Variants in CLCN1 observed in about 807,000 individuals in gnomAD.
The protein encoded by CLCN1 is chloride voltage-gated channel 1, also known as chloride channel protein 1.
In CLCN1, 100 loss-of-function variants were observed where a neutral mutation model predicts 114.5. That is an observed-to-expected ratio of 0.87 (90% confidence interval 0.74 to 1.03). The LOEUF (loss-of-function observed/expected upper bound fraction) is 1.03, where lower values mean the gene tolerates loss of function less well. Ranked by LOEUF, CLCN1 falls within the 50% of genes least tolerant of loss-of-function variation. The pLI, the probability that CLCN1 is intolerant of heterozygous loss-of-function variation, is 0.00. For missense variants in CLCN1, 1,188 were observed against 1,250.0 expected, an observed-to-expected ratio of 0.95 and a Z score of 0.75; for synonymous variants, 485 against 487.1, an observed-to-expected ratio of 1.00 and a Z score of 0.06.
intron 6 of CLCN1, chr7:143,323,714 G>T (rs1802509587): frequency 1.9e-6 from 1 of 518,740 alleles, no homozygotes; most frequent in African/African-American, 1.9e-5. Flanking sequence ...TCCCTCGTGT[G>T]CTCCCCCATC....
At chr7:143,329,062 G>A (rs1171839593) in intron 7 of CLCN1, among the ~76,000 whole-genome samples, 2 of 151,598 alleles carry the variant, frequency 1.3e-5, no homozygotes, top group Non-Finnish European at 2.9e-5. Context: ...GCGTCTCCCG[G>A]GTTCAAGCAA....
At chr7:143,319,419 T>C (rs1586482560) in intron 1 of CLCN1, among the ~76,000 whole-genome samples, 2 of 152,332 alleles carry the variant, frequency 1.3e-5, no homozygotes, top group East Asian at 3.9e-4. Context: ...AAACACCTGA[T>C]TGATATGGCC....
intron 14 of CLCN1, among the ~76,000 whole-genome samples, chr7:143,340,326 G>A (rs922915079): frequency 1.3e-5 from 2 of 152,116 alleles, no homozygotes; most frequent in Non-Finnish European, 2.9e-5. Context: ...ATAGACTCTT[G>A]TTCTCCATCT....
At chr7:143,316,482 G>A in intron 1 of CLCN1, 90 bp downstream of exon 1, 2 of 1,198,558 alleles carry the variant, frequency 1.7e-6, no homozygotes, top group South Asian at 1.3e-5. Flanking sequence ...GGTGAAAAGA[G>A]GGAGCAGTGT....
At position 143,342,378 on chromosome 7, in the gene CLCN1, T is replaced by C. The variant is rs1332885467; in HGVS notation, c.1803T>C (p.Tyr601=). 1.9e-6 allele frequency: 3 copies of C among 1,614,208 alleles called. No individual in the cohort carries two copies. The highest frequency in any genetic ancestry group is 2.2e-5 in the South Asian group (2 of 91,072). The change falls in exon 16 of 23, where the codon TAT becomes TAC. Residue 601 remains tyrosine (Y), a synonymous_variant. Coordinates refer to ENST00000343257, the MANE Select transcript of CLCN1 (RefSeq NM_000083.3). ...ATGCTTTCTCCCTCCATAGCAAATATACCATCTTTGTTGAGGACATCATGG... is the reference window on the plus strand; with the variant it reads ...ATGCTTTCTCCCTCCATAGCAAATACACCATCTTTGTTGAGGACATCATGG... ...PDLGWNQLSK[Y]TIFVEDIMVR...
chr7:143,341,455 A>G (rs1461309302), intron 14 of CLCN1, among the ~76,000 whole-genome samples: 7 of 152,108 alleles, frequency 4.6e-5, no homozygotes, highest in Admixed American at 4.6e-4. Flanking sequence ...GCTACTCGGA[A>G]GACTGAGGCA....
intron 5 of CLCN1, among the ~76,000 whole-genome samples, 158 bp downstream of exon 5, chr7:143,322,006 T>G (rs1362111714): frequency 6.6e-6 from 1 of 152,210 alleles, no homozygotes; most frequent in African/African-American, 2.4e-5. Context: ...TGGAAGTTCC[T>G]CCAACTGAGG....
chr7:143,346,095 G>C (rs146406176), intron 17 of CLCN1, 45 bp from the exon 18 acceptor site: 2 of 1,256,144 alleles, frequency 1.6e-6, no homozygotes, highest in African/African-American at 2.9e-5. Context: ...TGAAGGCCCA[G>C]GCAGTCTCTG....
chr7:143,342,184 G>C (rs1333406775), intron 15 of CLCN1, 42 bp downstream of exon 15: 1 of 1,586,222 alleles, frequency 6.3e-7, no homozygotes, highest in Non-Finnish European at 8.7e-7. Flanking sequence ...CTGATGGGGA[G>C]AGTGGGAGGT....
intron 6 of CLCN1, chr7:143,323,892 TCG>T: frequency 4.2e-6 from 2 of 470,684 alleles, no homozygotes; most frequent in South Asian, 3.1e-5. Context: ...GCAGCCCCTG[TCG>T]GAGGCAAGTT....
chr7:143,328,988 GAT>G (rs1802650413), intron 7 of CLCN1, among the ~76,000 whole-genome samples: 2 of 125,630 alleles, frequency 1.6e-5, no homozygotes, highest in African/African-American at 5.8e-5. Context: ...TTTTTTTCAA[GAT>G]GGAGTCTTGC....
intron 6 of CLCN1, 116 bp downstream of exon 6, chr7:143,323,502 A>G (rs1042538018): frequency 1.9e-5 from 15 of 786,256 alleles, no homozygotes; most frequent in African/African-American, 5.1e-5. Context: ...CTGAAGCAGC[A>G]TCGCACTAAT....
intron 6 of CLCN1, 66 bp downstream of exon 6, chr7:143,323,452 G>A (rs1310647050): frequency 1.3e-5 from 15 of 1,123,016 alleles, no homozygotes; most frequent in Non-Finnish European, 1.8e-5. Context: ...TGTGTCCAGG[G>A]TGTTGGGAGG....
At chr7:143,344,792 C>T (rs1266391220) in intron 16 of CLCN1, among the ~76,000 whole-genome samples, 3 of 150,326 alleles carry the variant, frequency 2.0e-5, no homozygotes, top group Non-Finnish European at 4.4e-5. Context: ...CTCTTGTCGC[C>T]CAGGTTGGAG....
intron 6 of CLCN1, chr7:143,323,640 G>A (rs946070142): frequency 1.2e-5 from 8 of 642,794 alleles, no homozygotes; most frequent in East Asian, 3.3e-5. Flanking sequence ...CTGGTCTGTC[G>A]TCTGCTCCCA....
rs1802316291 is a variant in CLCN1, at chr7:143,317,379, G to A, written c.180+987G>A. Among the ~76,000 whole-genome samples the A allele has an allele frequency of 2.6e-5, 4 of 151,300 alleles. No homozygotes were observed. The South Asian group carries it at 8.3e-4, about 32-fold the overall frequency. On this transcript the variant is annotated intron_variant, in intron 1 of 22. Transcript: ENST00000343257. ...TTCTCTTTCCTCAGCCTCCTGAGTA[G>A]CTGGGATTACAAGCACCTGCCACCA...
chr7:143,346,567 C>G lies in CLCN1; in HGVS notation c.2285-12C>G, dbSNP rs767588787. The G allele has an allele frequency of 4.9e-5, 78 of 1,606,834 alleles. 1 individual carries two copies. The South Asian group carries it at 8.1e-4, about 17-fold the overall frequency. On this transcript the variant is annotated splice_polypyrimidine_tract_variant and intron_variant, in intron 18 of 22. Transcript: ENST00000343257. Reference sequence around the variant, plus strand: ...TTTGTGTCCATTTCCATCCACTCACCTGTCCTCTCAGGTCAAAGACCCTCC... The same window carrying G: ...TTTGTGTCCATTTCCATCCACTCACGTGTCCTCTCAGGTCAAAGACCCTCC...
chr7:143,330,138 G>A (rs183398032), intron 7 of CLCN1, among the ~76,000 whole-genome samples: 7 of 152,014 alleles, frequency 4.6e-5, no homozygotes, highest in East Asian at 3.9e-4. Context: ...CTTTTAAGTC[G>A]GGTTTTTAGT....
In CLCN1 at chr7:143,339,337, G is replaced by T. The variant is rs770683208; in HGVS notation, c.1471+15G>T. ...GTTTGTGCTAGGTAAGTTCTGATGG[G>T]AAGCCTGGGGTCTGACTGAGAGTTG... On this transcript the variant is annotated intron_variant, in intron 13 of 22. Transcript: ENST00000343257. This position sits in a 1 kb window ranked among gnomAD's most constrained non-coding sequence, Gnocchi z 4.1. 4.4e-6 allele frequency: 7 copies of T among 1,597,146 alleles called. No individual in the cohort carries two copies. The African/African-American group carries it at 8.0e-5, about 18-fold the overall frequency.
Sources: allele counts gnomAD v4.1 joint callset (sites outside exome capture counted in the v4.1 genomes callset), GRCh38; gene constraint gnomAD v4.1.1; non-coding constraint Gnocchi (gnomAD v3.1); transcripts MANE v1.5; gene names NCBI Gene and HGNC (gene_info 2026-07-23, HGNC 2026-07-21).